KIAA1328: variants seen among roughly 807,000 people sequenced by gnomAD.
The protein encoded by KIAA1328 is protein hinderin.
A neutral mutation model predicts 68.1 loss-of-function variants in KIAA1328; 52 were observed. The ratio of observed to expected loss-of-function variants is 0.76; its 90% CI spans 0.61 to 0.96. The LOEUF (loss-of-function observed/expected upper bound fraction) is 0.96, where lower values mean the gene tolerates loss of function less well. Ranked by LOEUF, KIAA1328 falls within the 40% of genes least tolerant of loss-of-function variation. The pLI, the probability that KIAA1328 is intolerant of heterozygous loss-of-function variation, is 0.00. For synonymous variants in KIAA1328, 232 were observed against 239.4 expected (o/e 0.97, Z 0.28); for missense variants, 641 against 677.6 (o/e 0.95, Z 0.60).
At chr18:37,055,992 A>G (rs11874141) in intron 6 of KIAA1328, among the ~76,000 whole-genome samples, 24,547 of 152,146 alleles carry the variant, frequency 0.16, 2,175 homozygotes, top group African/African-American at 0.22. Flanking sequence ...GTTAATAACA[A>G]CCTGTTATAA....
In KIAA1328 at chr18:37,109,459, A is replaced by G. The variant is rs140597516; in HGVS notation, c.1232+41914A>G. The stretch of plus-strand genomic sequence containing the variant: ...GTTTTTGTCTCTAGATAATTTTTCA[A>G]TCATATTTGTTATATTAGTACATAA... On this transcript the variant is annotated intron_variant, in intron 7 of 9. Coordinates refer to ENST00000280020, the MANE Select transcript of KIAA1328 (RefSeq NM_020776.3). Among the ~76,000 whole-genome samples the G allele has an allele frequency of 2.2e-3, 342 of 152,320 alleles. 8 individuals carry two copies. Among genetic ancestry groups the G allele is most frequent in the Admixed American group, 0.02 (312 of 15,300 alleles).
intron 7 of KIAA1328, among the ~76,000 whole-genome samples, chr18:37,093,636 T>C (rs959662728): frequency 7.2e-5 from 11 of 152,214 alleles, no homozygotes; most frequent in African/African-American, 2.4e-4. Flanking sequence ...AGAAAGCCTA[T>C]GTGATGTATA....
At chr18:36,927,367 C>T (rs944641945) in intron 5 of KIAA1328, among the ~76,000 whole-genome samples, 13 of 152,178 alleles carry the variant, frequency 8.5e-5, no homozygotes, top group Non-Finnish European at 1.6e-4. Flanking sequence ...AGCACTATGG[C>T]ATAATTGTTA....
At chr18:37,147,405 TA>T (rs1391816030) in intron 7 of KIAA1328, among the ~76,000 whole-genome samples, 2 of 152,204 alleles carry the variant, frequency 1.3e-5, no homozygotes, top group Non-Finnish European at 2.9e-5. Context: ...GGTAATTTTT[TA>T]TTTTGTCCTG....
intron 5 of KIAA1328, among the ~76,000 whole-genome samples, chr18:36,942,775 G>T (rs2151191791): frequency 6.6e-6 from 1 of 152,230 alleles, no homozygotes; most frequent in East Asian, 1.9e-4. Context: ...ATATAGCTGA[G>T]ACATTATGTC....
intron 5 of KIAA1328, among the ~76,000 whole-genome samples, chr18:36,900,517 T>G (rs1481439922): frequency 6.6e-6 from 1 of 151,888 alleles, no homozygotes; most frequent in Non-Finnish European, 1.5e-5. Context: ...ACTGCTGGTG[T>G]TTAAGAGCAT....
chr18:36,980,881 T>C (rs374050807), intron 6 of KIAA1328, among the ~76,000 whole-genome samples: 4 of 152,202 alleles, frequency 2.6e-5, no homozygotes, highest in African/African-American at 9.7e-5. Context: ...TGGGACTTGC[T>C]TCTCCTTACC....
At chr18:37,180,058 CCACACACACACACACA>C (rs139301794) in intron 9 of KIAA1328, among the ~76,000 whole-genome samples, 84 of 134,162 alleles carry the variant, frequency 6.3e-4, no homozygotes, top group South Asian at 2.7e-3. Flanking sequence ...GATTCAAAAG[CCACACACACACACACA>C]CACACACACA....
At chr18:36,857,575 G>C (rs892848460) in intron 4 of KIAA1328, among the ~76,000 whole-genome samples, 3 of 152,216 alleles carry the variant, frequency 2.0e-5, no homozygotes, top group Non-Finnish European at 2.9e-5. Flanking sequence ...AAGTGGACAA[G>C]CGAAAGCACC....
chr18:36,908,498 C>A (rs1424971151), intron 5 of KIAA1328, among the ~76,000 whole-genome samples: 1 of 152,070 alleles, frequency 6.6e-6, no homozygotes, highest in Non-Finnish European at 1.5e-5. Flanking sequence ...TGTCACCACA[C>A]CTGGCTAATT....
At chr18:36,876,449 A>G (rs1408972694) in intron 4 of KIAA1328, among the ~76,000 whole-genome samples, 1 of 152,094 alleles carries the variant, frequency 6.6e-6, no homozygotes, top group Non-Finnish European at 1.5e-5. Context: ...TAGATTTTCT[A>G]GTGTATTTGT....
intron 9 of KIAA1328, among the ~76,000 whole-genome samples, chr18:37,198,656 G>T (rs968154351): frequency 4.6e-5 from 7 of 152,200 alleles, no homozygotes; most frequent in Non-Finnish European, 1.0e-4. Context: ...CACAAAGAAA[G>T]TGGTTGCCCT....
chr18:37,020,492 C>T (rs1381404605), intron 6 of KIAA1328, among the ~76,000 whole-genome samples: 5 of 152,110 alleles, frequency 3.3e-5, no homozygotes, highest in East Asian at 3.9e-4. Flanking sequence ...AAGTTTACAG[C>T]GCATGTTAGA....
At position 37,160,309 on chromosome 18, in the gene KIAA1328, G is replaced by T. The variant is rs943096538; in HGVS notation, c.1342G>T (p.Gly448Trp). ...GAATAGGAAGGAGAGGAAGACAGTT[G>T]GGTTTCATTCGCATATGAAAGATGA... The part of the protein sequence containing the change: ...GENRKERKTV[G>W]FHSHMKDDAQ... Residue 448 changes from glycine to tryptophan, a missense_variant, in exon 8 of 10, where the codon GGG becomes TGG. Coordinates refer to ENST00000280020, the MANE Select transcript of KIAA1328 (RefSeq NM_020776.3). 9.3e-6 allele frequency: 15 copies of T among 1,613,526 alleles called. No homozygotes were observed. The highest frequency in any genetic ancestry group is 1.6e-4 in the Middle Eastern group (1 of 6,084).
At chr18:37,039,190 A>G (rs528764904) in intron 6 of KIAA1328, among the ~76,000 whole-genome samples, 4 of 152,064 alleles carry the variant, frequency 2.6e-5, no homozygotes, top group Admixed American at 2.0e-4. Context: ...AGATCTTTGT[A>G]TATTTTTGGT....
chr18:37,071,009 G>T (rs1432051038), intron 7 of KIAA1328, among the ~76,000 whole-genome samples: 2 of 139,676 alleles, frequency 1.4e-5, no homozygotes, highest in Non-Finnish European at 3.2e-5. Context: ...CTTTTAATTG[G>T]TATGTTATGT....
In KIAA1328 at chr18:37,215,773, G is replaced by A. The variant is rs191593714; in HGVS notation, c.1524-6244G>A. Among the ~76,000 whole-genome samples the A allele has an allele frequency of 4.6e-5, 7 of 152,242 alleles. No homozygotes were observed. In the East Asian group the frequency reaches 1.4e-3, roughly 29 times the overall value. The stretch of plus-strand genomic sequence containing the variant: ...ATAGAATTCGGCTGTGAATCCTTCT[G>A]GTCCTGGACTTTTTTTGGTTGGTAG... On this transcript the variant is annotated intron_variant, in intron 9 of 9. Transcript: ENST00000280020.
intron 7 of KIAA1328, among the ~76,000 whole-genome samples, chr18:37,127,515 C>T (rs2058421480): frequency 6.6e-6 from 1 of 151,956 alleles, no homozygotes; most frequent in African/African-American, 2.4e-5. Context: ...TCAAGACCAA[C>T]CTGGGCAATG....
intron 6 of KIAA1328, among the ~76,000 whole-genome samples, chr18:37,035,428 A>T (rs1168616353): frequency 6.6e-6 from 1 of 152,220 alleles, no homozygotes; most frequent in African/African-American, 2.4e-5. Context: ...CAAAAGTTTG[A>T]GAACCTCTGT....
Sources: gnomAD v4.1 joint callset for allele counts (sites outside exome capture counted in the v4.1 genomes callset) on GRCh38, gnomAD v4.1.1 for gene constraint, MANE v1.5 for transcripts, NCBI Gene and HGNC (gene_info 2026-07-23, HGNC 2026-07-21) for gene names.